Variants in MEIS1 observed in about 807,000 individuals in gnomAD.
MEIS1 encodes the protein Meis homeobox 1.
MEIS1 carries 5 observed loss-of-function variants against 50.8 expected under a neutral mutation model. The observed-to-expected ratio is 0.10, with a 90% CI of 0.05 to 0.21. The LOEUF (loss-of-function observed/expected upper bound fraction) is 0.21, where lower values mean the gene tolerates loss of function less well. MEIS1 is among the 10% of genes least tolerant of loss of function. The pLI is 1.00. For missense variants in MEIS1, 318 were observed against 517.3 expected (o/e 0.61, Z 3.74); for synonymous variants, 176 against 179.3 (o/e 0.98, Z 0.15).
At position 66,512,174 on chromosome 2, in the gene MEIS1, T is replaced by C. The variant is rs1301727779; in HGVS notation, c.768T>C (p.Ala256=). 6.2e-7 allele frequency: 1 copy of C among 1,600,378 alleles called. No homozygotes were observed. Among genetic ancestry groups the C allele is most frequent in the Non-Finnish European group, 8.5e-7 (1 of 1,171,634 alleles). ...EQGDGLDNSV[A]SPSTGDDDDP... ...GTGATGGCTTGGACAACAGTGTAGC[T>C]TCCCCCAGCACAGGTGACGATGATG... Residue 256 remains alanine (A), a synonymous_variant, in exon 8 of 13, where the codon GCT becomes GCC. Coordinates refer to ENST00000272369, the MANE Select transcript of MEIS1 (RefSeq NM_002398.3).
chr2:66,481,078 A>C (rs1196053351), intron 7 of MEIS1, among the ~76,000 whole-genome samples: 2 of 152,138 alleles, frequency 1.3e-5, no homozygotes, highest in Admixed American at 6.5e-5. Flanking sequence ...AGAAATGAGC[A>C]GAGAGGCAAG....
intron 7 of MEIS1, among the ~76,000 whole-genome samples, chr2:66,467,876 G>A (rs926995890): frequency 1.3e-5 from 2 of 152,150 alleles, no homozygotes; most frequent in Admixed American, 6.5e-5. Flanking sequence ...CCTCACATCT[G>A]TGTTTGGTTG....
intron 9 of MEIS1, among the ~76,000 whole-genome samples, chr2:66,556,004 T>C (rs568098898): frequency 6.6e-6 from 1 of 152,084 alleles, no homozygotes; most frequent in Admixed American, 6.5e-5. Flanking sequence ...ACGCTGAGGG[T>C]TATGTTCTGC....
intron 7 of MEIS1, among the ~76,000 whole-genome samples, chr2:66,474,091 AT>A (rs35282974): frequency 0.16 from 23,898 of 150,130 alleles, 4,496 homozygotes; most frequent in African/African-American, 0.45. Flanking sequence ...GCAATCATCC[AT>A]TTTTTTTTTC....
At chr2:66,543,653 C>G (rs2103921394) in intron 8 of MEIS1, among the ~76,000 whole-genome samples, 1 of 152,320 alleles carries the variant, frequency 6.6e-6, no homozygotes, top group African/African-American at 2.4e-5. Context: ...AGAAAGAACC[C>G]TTGCAGCTAC....
chr2:66,448,927 G>A (rs1190825730), intron 6 of MEIS1, among the ~76,000 whole-genome samples: 15 of 152,062 alleles, frequency 9.9e-5, no homozygotes. Flanking sequence ...AGTCTTAAAT[G>A]TTTGCAACTG....
chr2:66,491,093 A>AAAG (rs1553375068), intron 7 of MEIS1, among the ~76,000 whole-genome samples: 34 of 151,802 alleles, frequency 2.2e-4, no homozygotes, highest in African/African-American at 7.8e-4. Context: ...GGAAAAAAAA[A>AAAG]AGAGAATAAA....
chr2:66,460,080 A>G (rs569644398), intron 6 of MEIS1, among the ~76,000 whole-genome samples: 1 of 152,044 alleles, frequency 6.6e-6, no homozygotes, highest in African/African-American at 2.4e-5. Flanking sequence ...ATGGTAGAAG[A>G]AAAAAAAGTC....
At chr2:66,523,823 T>G (rs1329111649) in intron 8 of MEIS1, among the ~76,000 whole-genome samples, 1 of 152,228 alleles carries the variant, frequency 6.6e-6, no homozygotes, top group Non-Finnish European at 1.5e-5. Flanking sequence ...TCTGATGTCC[T>G]AAGTGGTAGG....
chr2:66,508,619 C>T (rs984490387), intron 7 of MEIS1, among the ~76,000 whole-genome samples: 4 of 152,264 alleles, frequency 2.6e-5, no homozygotes, highest in African/African-American at 9.6e-5. Flanking sequence ...CCTCTGGCCC[C>T]TCAGTCACTG....
chr2:66,547,430 ATG>A (rs150125920), intron 8 of MEIS1, among the ~76,000 whole-genome samples: 3 of 150,874 alleles, frequency 2.0e-5, no homozygotes, highest in Non-Finnish European at 3.0e-5. Context: ...TGAATAGTGT[ATG>A]TGTGTGTGTG....
At chr2:66,516,165 T>C (rs898647932) in intron 8 of MEIS1, among the ~76,000 whole-genome samples, 1 of 152,200 alleles carries the variant, frequency 6.6e-6, no homozygotes, top group Non-Finnish European at 1.5e-5. Flanking sequence ...CATATTGCAG[T>C]CTAAAGTATA....
intron 7 of MEIS1, among the ~76,000 whole-genome samples, chr2:66,489,117 CT>C (rs1424131256): frequency 1.3e-5 from 2 of 152,216 alleles, no homozygotes; most frequent in African/African-American, 4.8e-5. Flanking sequence ...CAGCCAGTAG[CT>C]GCTTTCCTGT....
rs1675524506 is a variant in MEIS1 at position 66,573,861 on chromosome 2, T to C, written c.*2653T>C. The C allele has an allele frequency of 6.6e-6, 1 of 152,144 alleles. No individual in the cohort carries two copies. Among genetic ancestry groups the C allele is most frequent in the Non-Finnish European group, 1.5e-5 (1 of 68,036 alleles). 9.4% of individuals were successfully genotyped at this position (152,144 alleles called of 1,614,324 possible). ...CTTTAACAATTAATAATAAACTTTA[T>C]AAACTGTCTATTTGCTCCTCCTCTC... is the stretch of plus-strand genomic sequence containing the variant. On this transcript the variant is annotated 3_prime_UTR_variant, in exon 13 of 13. Transcript: ENST00000272369.
At chr2:66,495,064 C>A (rs1038424864) in intron 7 of MEIS1, among the ~76,000 whole-genome samples, 65 of 144,556 alleles carry the variant, frequency 4.5e-4, no homozygotes, top group African/African-American at 1.4e-3. Flanking sequence ...AGAATGCCCA[C>A]TTTCCCTCTT....
At chr2:66,562,544 A>G (rs576014684) in intron 9 of MEIS1, among the ~76,000 whole-genome samples, 1 of 152,272 alleles carries the variant, frequency 6.6e-6, no homozygotes, top group South Asian at 2.1e-4. Flanking sequence ...AATAAAATTC[A>G]ATTTTTAGAT....
intron 7 of MEIS1, among the ~76,000 whole-genome samples, chr2:66,474,056 A>T (rs1202291497): frequency 2.0e-5 from 3 of 152,144 alleles, no homozygotes; most frequent in Non-Finnish European, 2.9e-5. Context: ...GACAAGAAAA[A>T]AGTCTGTACA....
At chr2:66,463,494 G>C (rs190723020) in intron 6 of MEIS1, among the ~76,000 whole-genome samples, 33 of 152,100 alleles carry the variant, frequency 2.2e-4, no homozygotes, top group Admixed American at 5.9e-4. Context: ...TCTGTTTTCC[G>C]TTCAATAGTA....
chr2:66,559,947 C>T (rs964161309), intron 9 of MEIS1, among the ~76,000 whole-genome samples: 1 of 152,066 alleles, frequency 6.6e-6, no homozygotes, highest in African/African-American at 2.4e-5. Flanking sequence ...CAGGTGTGCA[C>T]AACCAGACCC....
Sources: gnomAD v4.1 joint callset for allele counts (sites outside exome capture counted in the v4.1 genomes callset) on GRCh38, gnomAD v4.1.1 for gene constraint, MANE v1.5 for transcripts, NCBI Gene and HGNC (gene_info 2026-07-23, HGNC 2026-07-21) for gene names.